The following VPS13A variants were observed in gnomAD, a reference collection of about 807,000 sequenced individuals.
VPS13A encodes vacuolar protein sorting 13 homolog A, also known as intermembrane lipid transfer protein VPS13A.
Under a neutral mutation model 390.9 loss-of-function variants are expected in VPS13A, and 264 were observed. The ratio of observed to expected loss-of-function variants is 0.68; its 90% confidence interval spans 0.61 to 0.75. The LOEUF is 0.75. Among genes scored for constraint, VPS13A ranks in the 30% least tolerant of loss-of-function variants. VPS13A has a pLI of 0.00. For missense variants in VPS13A, 3,409 were observed against 3,733.9 expected, an observed-to-expected ratio of 0.91 and a Z score of 2.27; for synonymous variants, 1,231 against 1,227.1, an observed-to-expected ratio of 1.00 and a Z score of -0.07.
At chr9:77,325,840 C>T (rs1452651448) in intron 45 of VPS13A, among the ~76,000 whole-genome samples, 1 of 152,058 alleles carries the variant, frequency 6.6e-6, no homozygotes, top group Non-Finnish European at 1.5e-5. Context: ...ATGCTAGCCA[C>T]CCCATAATAC....
At chr9:77,257,238 ATTTC>A (rs1458379417) in intron 22 of VPS13A, among the ~76,000 whole-genome samples, 1 of 151,826 alleles carries the variant, frequency 6.6e-6, no homozygotes, top group Non-Finnish European at 1.5e-5. Context: ...TTTATTTATT[ATTTC>A]TTTATTTTTT....
chr9:77,361,658 A>C (rs138532040), intron 59 of VPS13A, among the ~76,000 whole-genome samples: 1 of 152,086 alleles, frequency 6.6e-6, no homozygotes, highest in Non-Finnish European at 1.5e-5. Flanking sequence ...AAAGAAATAA[A>C]ATTTTATTAG....
intron 45 of VPS13A, among the ~76,000 whole-genome samples, chr9:77,325,401 GTT>G (rs566722890): frequency 1.2e-4 from 15 of 123,382 alleles, no homozygotes; most frequent in Admixed American, 2.4e-4. Context: ...GTTAGACCTT[GTT>G]TTTTTTTTTT....
At chr9:77,232,196 T>G (rs1766011886) in intron 17 of VPS13A, among the ~76,000 whole-genome samples, 1 of 152,222 alleles carries the variant, frequency 6.6e-6, no homozygotes, top group South Asian at 2.1e-4. Flanking sequence ...AATTGGGAAG[T>G]GTCTTCCCTA....
chr9:77,303,055 C>A lies in VPS13A; in HGVS notation c.3953C>A (p.Pro1318Gln). Residue 1318 changes from proline to glutamine, a missense_variant, in exon 34 of 72, where the codon CCA becomes CAA. By Grantham distance (76) the Pro-to-Gln change is moderately conservative. This residue lies in a region of VPS13A where 2,717 missense variants were observed against 2,917.4 expected (regional missense o/e 0.93). Coordinates refer to ENST00000360280, the MANE Select transcript of VPS13A (RefSeq NM_033305.3). ...PCFNVNAQLK[P>Q]MEFILSQEDI... The stretch of plus-strand genomic sequence containing the variant: ...TTTAATGTAAATGCTCAGCTGAAAC[C>A]AATGGAGGTAACTTTTTTTGGATAC... 1 of 1,613,806 alleles carries A rather than the reference C, an allele frequency of 6.2e-7. No individual in the cohort carries two copies. The highest frequency in any genetic ancestry group is 8.5e-7 in the Non-Finnish European group (1 of 1,179,898).
At chr9:77,207,979 G>C (rs898732643) in intron 5 of VPS13A, among the ~76,000 whole-genome samples, 3 of 152,054 alleles carry the variant, frequency 2.0e-5, no homozygotes, top group Non-Finnish European at 4.4e-5. Context: ...ATTCAGGATT[G>C]GTACTTTATT....
At chr9:77,311,225 A>G (rs1359051633) in intron 35 of VPS13A, among the ~76,000 whole-genome samples, 5 of 151,928 alleles carry the variant, frequency 3.3e-5, no homozygotes, top group Non-Finnish European at 7.4e-5. Context: ...TGCCTGGCCC[A>G]CTTTCACTAA....
At chr9:77,244,880 G>A (rs972992520) in intron 19 of VPS13A, among the ~76,000 whole-genome samples, 2 of 151,910 alleles carry the variant, frequency 1.3e-5, no homozygotes, top group African/African-American at 4.8e-5. Context: ...TCAACATTAA[G>A]ATCAGATATA....
intron 37 of VPS13A, 65 bp from the exon 38 acceptor site, chr9:77,315,188 T>C (rs1006136188): frequency 1.5e-5 from 21 of 1,401,488 alleles, no homozygotes; most frequent in Non-Finnish European, 2.0e-5. Context: ...CTTTGAGTTT[T>C]ACTCATATGT....
chr9:77,322,978 A>G, intron 44 of VPS13A, 89 bp from the exon 45 acceptor site: 1 of 1,054,848 alleles, frequency 9.5e-7, no homozygotes, highest in Non-Finnish European at 1.4e-6. Flanking sequence ...AAGTTTAAGA[A>G]TCATCTGAAA....
At chr9:77,394,300 C>G (rs1465000137) in intron 68 of VPS13A, among the ~76,000 whole-genome samples, 1 of 151,638 alleles carries the variant, frequency 6.6e-6, no homozygotes, top group African/African-American at 2.4e-5. Context: ...CTCTTGTGCT[C>G]AAGCGATCCG....
intron 26 of VPS13A, among the ~76,000 whole-genome samples, chr9:77,277,012 A>C (rs1005703441): frequency 6.6e-6 from 1 of 152,154 alleles, no homozygotes; most frequent in Non-Finnish European, 1.5e-5. Flanking sequence ...TTGGGGGCAG[A>C]GGGCAGTATT....
At chr9:77,190,449 A>AT (rs2131073033) in intron 1 of VPS13A, among the ~76,000 whole-genome samples, 1 of 152,204 alleles carries the variant, frequency 6.6e-6, no homozygotes, top group East Asian at 1.9e-4. Flanking sequence ...CTACTTGATC[A>AT]TGGTAGATGT....
chr9:77,287,880 G>T (rs1827423336), intron 31 of VPS13A, among the ~76,000 whole-genome samples: 1 of 152,282 alleles, frequency 6.6e-6, no homozygotes, highest in East Asian at 1.9e-4. Context: ...ACTTTTTAAA[G>T]TAAGATTTAT....
intron 68 of VPS13A, chr9:77,384,465 A>G: frequency 7.0e-7 from 1 of 1,437,592 alleles, no homozygotes; most frequent in Non-Finnish European, 9.7e-7. Flanking sequence ...GTCATAGCTG[A>G]AAAAATCTGC....
intron 59 of VPS13A, among the ~76,000 whole-genome samples, chr9:77,363,987 A>G (rs1047327181): frequency 2.0e-5 from 3 of 152,096 alleles, no homozygotes; most frequent in Admixed American, 2.0e-4. Flanking sequence ...TAAGAGGGGC[A>G]GTGGCCTGAG....
intron 68 of VPS13A, chr9:77,390,220 A>C: frequency 1.7e-5 from 11 of 638,762 alleles, no homozygotes; most frequent in Non-Finnish European, 1.8e-5. Flanking sequence ...CCAGAAGGAT[A>C]CTTCTGAATG....
At chr9:77,269,725 AAT>A (rs947048456) in intron 23 of VPS13A, among the ~76,000 whole-genome samples, 5 of 152,202 alleles carry the variant, frequency 3.3e-5, no homozygotes, top group Non-Finnish European at 7.3e-5. Flanking sequence ...TCCGTTTGCT[AAT>A]ATATGTTGTT....
intron 33 of VPS13A, among the ~76,000 whole-genome samples, chr9:77,299,209 T>C (rs1049876132): frequency 3.3e-5 from 5 of 152,198 alleles, no homozygotes; most frequent in African/African-American, 1.2e-4. Flanking sequence ...TCCAGCTTTG[T>C]TCTTTTTGCT....
Sources: gnomAD v4.1 joint callset for allele counts (sites outside exome capture counted in the v4.1 genomes callset) on GRCh38, gnomAD v4.1.1 for gene constraint, gnomAD v4.1.1 regional missense constraint, MANE v1.5 for transcripts, NCBI Gene and HGNC (gene_info 2026-07-23, HGNC 2026-07-21) for gene names.